Variants in NRDE2 observed in about 807,000 individuals in gnomAD.
NRDE2 encodes nuclear exosome regulator NRDE2.
A neutral mutation model predicts 124.2 loss-of-function variants in NRDE2; 76 were observed. The ratio of observed to expected loss-of-function variants is 0.61; its 90% CI spans 0.51 to 0.74. The LOEUF is 0.74. NRDE2 is among the 30% of genes least tolerant of loss of function. The pLI is 0.00. For synonymous variants in NRDE2, 489 were observed against 528.1 expected, an observed-to-expected ratio of 0.93 and a Z score of 1.01; for missense variants, 1,314 against 1,417.3, an observed-to-expected ratio of 0.93 and a Z score of 1.17.
chr14:90,303,223 T>TTTA, intron 5 of NRDE2, 98 bp from the exon 6 acceptor site: 1 of 1,112,428 alleles, frequency 9.0e-7, no homozygotes, highest in South Asian at 1.7e-5. Context: ...CCTAGGGACT[T>TTTA]TCTTAAACCA....
Position 90,288,881 on chromosome 14 carries a change from C to G in NRDE2, c.2494G>C (p.Val832Leu), listed in dbSNP as rs140496409. The G allele has an allele frequency of 1.1e-3, 1,817 of 1,614,094 alleles. No homozygotes were observed. Among genetic ancestry groups the G allele is most frequent in the Non-Finnish European group, 1.3e-3 (1,503 of 1,180,044 alleles). ...CTTCTCACTTCTGGCGACAGCTCCACCTCCAGCTCAGCATAGAGCAGACTG... is the reference window on the plus strand; with the variant it reads ...CTTCTCACTTCTGGCGACAGCTCCAGCTCCAGCTCAGCATAGAGCAGACTG... ...ELSLLYAELE[V>L]ELSPEVRRAA... Residue 832 changes from valine (V) to leucine (L), a missense_variant, in exon 11 of 14, where the codon GTG becomes CTG. Coordinates refer to ENST00000354366, the MANE Select transcript of NRDE2 (RefSeq NM_017970.4).
At chr14:90,296,796 T>C (rs1884177550) in intron 8 of NRDE2, among the ~76,000 whole-genome samples, 1 of 152,144 alleles carries the variant, frequency 6.6e-6, no homozygotes, top group Non-Finnish European at 1.5e-5. Flanking sequence ...CTTAGAGTTG[T>C]GCTGTCCAAT....
chr14:90,302,628 C>A, intron 6 of NRDE2, 92 bp downstream of exon 6: 1 of 1,297,862 alleles, frequency 7.7e-7, no homozygotes, highest in Non-Finnish European at 1.0e-6. Flanking sequence ...TAGACTTTTT[C>A]TAGAATAAAT....
rs544480523 is a variant in NRDE2 at position 90,293,257 on chromosome 14, T to C, written c.1667-385A>G. 4.6e-5 allele frequency among the ~76,000 whole-genome samples: 7 copies of C among 152,152 alleles called. No individual in the cohort carries two copies. In the East Asian group the frequency reaches 1.2e-3, roughly 25 times the overall value. On this transcript the variant is annotated intron_variant, in intron 8 of 13. Coordinates refer to ENST00000354366, the MANE Select transcript of NRDE2 (RefSeq NM_017970.4). ...GCTAGTAAAGGAACTGAATTCCTTT[T>C]TTTTTTTTCTGAGATGGAGTCTCGC...
chr14:90,328,854 C>T lies in NRDE2; in HGVS notation c.64+2987G>A, dbSNP rs1399146984. 3.9e-5 allele frequency among the ~76,000 whole-genome samples: 6 copies of T among 152,058 alleles called. No individual in the cohort carries two copies. The East Asian group carries it at 5.8e-4, about 15-fold the overall frequency. The stretch of plus-strand genomic sequence containing the variant: ...CATGGAATGAAGGAGAGGAAGAAAC[C>T]GATTTATACTGAAAGAGACCTAAGG... On this transcript the variant is annotated intron_variant, in intron 1 of 13. Coordinates refer to ENST00000354366, the MANE Select transcript of NRDE2 (RefSeq NM_017970.4).
intron 3 of NRDE2, among the ~76,000 whole-genome samples, chr14:90,314,848 C>A (rs1221263975): frequency 6.6e-6 from 1 of 152,074 alleles, no homozygotes; most frequent in Non-Finnish European, 1.5e-5. Flanking sequence ...AACCTTTTTG[C>A]CGGACTGCTT....
intron 3 of NRDE2, among the ~76,000 whole-genome samples, chr14:90,315,495 A>T (rs1300911260): frequency 6.6e-6 from 1 of 151,988 alleles, no homozygotes; most frequent in Non-Finnish European, 1.5e-5. Flanking sequence ...AATAAAGGAG[A>T]AAGTTAAATG....
At chr14:90,330,282 C>T (rs1566705615) in intron 1 of NRDE2, among the ~76,000 whole-genome samples, 1 of 151,096 alleles carries the variant, frequency 6.6e-6, no homozygotes, top group Non-Finnish European at 1.5e-5. Context: ...TCTGTAATAT[C>T]CCACCTTGTA....
chr14:90,280,652 G>A (rs1891928281), intron 12 of NRDE2: 1 of 152,284 alleles, frequency 6.6e-6, no homozygotes, highest in Non-Finnish European at 1.5e-5. Context: ...TTCCGTCCAT[G>A]ATTTCATCTT....
rs755265828 is a variant in NRDE2 at position 90,288,777 on chromosome 14, C to T, written c.2598G>A (p.Val866=). 1 of 1,614,156 alleles carries T rather than the reference C, an allele frequency of 6.2e-7. No individual in the cohort carries two copies. Among genetic ancestry groups the T allele is most frequent in the Non-Finnish European group, 8.5e-7 (1 of 1,180,028 alleles). Residue 866 remains valine, a synonymous_variant, in exon 11 of 14, where the codon GTG becomes GTA. Coordinates refer to ENST00000354366, the MANE Select transcript of NRDE2 (RefSeq NM_017970.4). ...GCGCTTTCAAAATGTGAACAGCCAA[C>T]ACCTGTCCAGTGTAGGGCCCATAGG... ...SSPYGPYTGQ[V]LAVHILKARK...
chr14:90,304,007 C>T lies in NRDE2; in HGVS notation c.933G>A (p.Val311=), dbSNP rs755150366. 2 of 1,614,006 alleles carry T rather than the reference C, an allele frequency of 1.2e-6. No individual in the cohort carries two copies. The highest frequency in any genetic ancestry group is 1.3e-5 in the African/African-American group (1 of 75,046). ...DSESAALKAK[V]EEFNRRVREN... is the part of the protein sequence containing the mutation. ...CCCGCACCCTCCTGTTAAACTCCTC[C>T]ACCTTGGCCTTGAGAGCCGCACTCT... is the stretch of plus-strand genomic sequence containing the variant. Residue 311 remains valine (V), a synonymous_variant, in exon 5 of 14, where the codon GTG becomes GTA. Coordinates refer to ENST00000354366, the MANE Select transcript of NRDE2 (RefSeq NM_017970.4).
chr14:90,270,155 G>A lies in NRDE2; in HGVS notation c.*8181C>T. On this transcript the variant is annotated 3_prime_UTR_variant, in exon 14 of 14. Coordinates refer to ENST00000354366, the MANE Select transcript of NRDE2 (RefSeq NM_017970.4). ...GGCCTCTGAGCCATGGCCGAGCCTG[G>A]GTTTGGATGTTGGTGTGACTTCAAA... is the stretch of plus-strand genomic sequence containing the variant. 6.2e-7 allele frequency: 1 copy of A among 1,602,212 alleles called. No individual in the cohort carries two copies. Among genetic ancestry groups the A allele is most frequent in the South Asian group, 1.1e-5 (1 of 89,844 alleles).
chr14:90,320,224 A>G (rs1885193438), intron 1 of NRDE2, among the ~76,000 whole-genome samples: 1 of 152,254 alleles, frequency 6.6e-6, no homozygotes, highest in African/African-American at 2.4e-5. Flanking sequence ...TATAAAGGAA[A>G]GAGGTTTAAT....
chr14:90,326,280 G>A (rs1040925353), intron 1 of NRDE2, among the ~76,000 whole-genome samples: 3 of 151,722 alleles, frequency 2.0e-5, no homozygotes, highest in African/African-American at 7.3e-5. Context: ...GGATCATGAG[G>A]TCAGGAGATC....
chr14:90,306,369 G>T (rs1595068956), intron 4 of NRDE2, among the ~76,000 whole-genome samples: 1 of 152,164 alleles, frequency 6.6e-6, no homozygotes, highest in East Asian at 1.9e-4. Flanking sequence ...CACTGTAGGG[G>T]ACTATTTTCT....
intron 1 of NRDE2, among the ~76,000 whole-genome samples, chr14:90,327,139 A>G (rs941080062): frequency 6.6e-6 from 1 of 152,236 alleles, no homozygotes; most frequent in African/African-American, 2.4e-5. Context: ...ATCATTTTCC[A>G]CTAAAAGAAA....
Position 90,288,841 on chromosome 14 carries a change from C to T in NRDE2, c.2534G>A (p.Arg845Gln), listed in dbSNP as rs756718587. Residue 845 changes from arginine to glutamine, a missense_variant, in exon 11 of 14, where the codon CGA becomes CAA. Physicochemically the swap from Arg to Gln is conservative, Grantham distance 43. Coordinates refer to ENST00000354366, the MANE Select transcript of NRDE2 (RefSeq NM_017970.4). ...SPEVRRAATA[R>Q]AVHILTKLTE... ...CAGCTTGGTTAATATGTGAACAGCTCGAGCTGTGGCAGCCCTTCTCACTTC... is the reference window on the plus strand; with the variant it reads ...CAGCTTGGTTAATATGTGAACAGCTTGAGCTGTGGCAGCCCTTCTCACTTC... The T allele has an allele frequency of 1.2e-6, 2 of 1,613,990 alleles. No individual in the cohort carries two copies. Among genetic ancestry groups the T allele is most frequent in the African/African-American group, 2.7e-5 (2 of 74,930 alleles).
chr14:90,324,162 GGAAAT>G (rs2139715122), intron 1 of NRDE2, among the ~76,000 whole-genome samples: 1 of 137,698 alleles, frequency 7.3e-6, no homozygotes, highest in South Asian at 2.4e-4. Flanking sequence ...AAAGTGTTTG[GGAAAT>G]AGACAGTGAG....
intron 9 of NRDE2, among the ~76,000 whole-genome samples, chr14:90,290,836 C>T (rs1032950413): frequency 6.7e-6 from 1 of 148,972 alleles, no homozygotes; most frequent in Non-Finnish European, 1.5e-5. Context: ...AACATTTCAA[C>T]ACATGGGAAA....
Sources: gnomAD v4.1 joint callset for allele counts (sites outside exome capture counted in the v4.1 genomes callset) on GRCh38, gnomAD v4.1.1 for gene constraint, MANE v1.5 for transcripts, NCBI Gene and HGNC (gene_info 2026-07-23, HGNC 2026-07-21) for gene names.